The following ZNF423 variants were observed in gnomAD, a reference collection of about 807,000 sequenced individuals.
ZNF423 encodes Ebf-associated zinc finger protein.
Under a neutral mutation model 95.8 loss-of-function variants are expected in ZNF423, and 12 were observed. That is an observed-to-expected ratio of 0.13 (90% CI 0.08 to 0.20). The LOEUF is 0.20. Among genes scored for constraint, ZNF423 ranks in the 10% least tolerant of loss-of-function variants. The pLI, the probability that ZNF423 is intolerant of heterozygous loss-of-function variation, is 1.00. For missense variants in ZNF423, 1,316 were observed against 1,737.1 expected (o/e 0.76, Z 4.31); for synonymous variants, 749 against 711.9 (o/e 1.05, Z -0.83).
intron 3 of ZNF423, among the ~76,000 whole-genome samples, chr16:49,669,334 AAAAAAAGAAAAAGAAAAAG>A (rs1476721246): frequency 6.6e-6 from 1 of 152,116 alleles, no homozygotes; most frequent in Non-Finnish European, 1.5e-5. Flanking sequence ...CGTCTCAAAA[AAAAAAAGAAAAAGAAAAAG>A]AAAAAAGAAA....
chr16:49,624,577 C>T (rs574769089), intron 5 of ZNF423, among the ~76,000 whole-genome samples: 1 of 152,120 alleles, frequency 6.6e-6, no homozygotes, highest in African/African-American at 2.4e-5. Context: ...CAAACCAAAA[C>T]AAAAGAAGAC....
At chr16:49,526,457 G>A (rs916785253) in intron 5 of ZNF423, among the ~76,000 whole-genome samples, 1 of 152,128 alleles carries the variant, frequency 6.6e-6, no homozygotes, top group Non-Finnish European at 1.5e-5. Flanking sequence ...TGCCAATGTC[G>A]AGGAGGCTCA....
chr16:49,704,503 A>C (rs968713895), intron 3 of ZNF423, among the ~76,000 whole-genome samples: 3 of 152,240 alleles, frequency 2.0e-5, no homozygotes, highest in Non-Finnish European at 4.4e-5. Flanking sequence ...AGTCATGAGC[A>C]AACTGGGATA....
intron 2 of ZNF423, among the ~76,000 whole-genome samples, chr16:49,755,519 T>G (rs1464489404): frequency 6.6e-6 from 1 of 152,138 alleles, no homozygotes; most frequent in East Asian, 1.9e-4. Flanking sequence ...CTTTCGCTAA[T>G]GAAAAAAACA....
rs532457777 is a variant in ZNF423, at chr16:49,696,108, A to G, written c.301+34663T>C. ...AAATGGGAACCCATGCCCAACTCTCACTGTTACTGTGAGAACCCACAAAGG... is the reference window on the plus strand; with the variant it reads ...AAATGGGAACCCATGCCCAACTCTCGCTGTTACTGTGAGAACCCACAAAGG... On this transcript the variant is annotated intron_variant, in intron 3 of 7. Coordinates refer to ENST00000563137, the MANE Select transcript of ZNF423 (RefSeq NM_001379286.1). 9.2e-5 allele frequency among the ~76,000 whole-genome samples: 14 copies of G among 152,304 alleles called. 1 individual carries two copies. In the East Asian group the frequency reaches 2.7e-3, roughly 29 times the overall value.
intron 2 of ZNF423, among the ~76,000 whole-genome samples, chr16:49,757,475 G>A (rs2033748701): frequency 1.3e-5 from 2 of 152,204 alleles, no homozygotes; most frequent in African/African-American, 4.8e-5. Flanking sequence ...TAAGTTTCCA[G>A]GACATGAGGA....
chr16:49,539,163 C>A (rs1969161248), intron 5 of ZNF423, among the ~76,000 whole-genome samples: 1 of 152,184 alleles, frequency 6.6e-6, no homozygotes. Flanking sequence ...CAACTACACC[C>A]CCCACGGCTC....
At chr16:49,678,075 C>T (rs1467312591) in intron 3 of ZNF423, among the ~76,000 whole-genome samples, 4 of 151,872 alleles carry the variant, frequency 2.6e-5, no homozygotes, top group African/African-American at 9.7e-5. Context: ...CCCAGCTACT[C>T]GGGACTCTGA....
chr16:49,502,598 C>G (rs989782302), intron 7 of ZNF423, among the ~76,000 whole-genome samples: 12 of 151,972 alleles, frequency 7.9e-5, no homozygotes, highest in African/African-American at 2.9e-4. Flanking sequence ...AAGTAACCCC[C>G]ACACCTTCCT....
chr16:49,635,146 G>C lies in ZNF423; in HGVS notation c.3516+514C>G, dbSNP rs1467498996. On this transcript the variant is annotated intron_variant, in intron 4 of 7. Transcript: ENST00000563137. This position sits in a 1 kb window ranked among gnomAD's most constrained non-coding sequence, Gnocchi z 4.8. ...GACAGCCAGCACCACTGAGCCATGA[G>C]TGCTGGGCTCTCGGCCCCTTGTGTG... is the stretch of plus-strand genomic sequence containing the variant. Among the ~76,000 whole-genome samples, 1 of 152,242 alleles carries C rather than the reference G, an allele frequency of 6.6e-6. No homozygotes were observed.
chr16:49,714,717 T>C (rs1354820602), intron 3 of ZNF423, among the ~76,000 whole-genome samples: 1 of 151,500 alleles, frequency 6.6e-6, no homozygotes, highest in Non-Finnish European at 1.5e-5. Flanking sequence ...TTGCTTGAGT[T>C]CCAGATCAGC....
In ZNF423 at chr16:49,637,409, G is replaced by A. The variant is rs1410143878; in HGVS notation, c.1767C>T (p.Thr589=). 6.2e-7 allele frequency: 1 copy of A among 1,614,170 alleles called. No homozygotes were observed. ...TCTTGTGGTTCTCCTTGATGTGCTT[G>A]GTGAGTTTCAGGATGGAGCCAAAGA... is the stretch of plus-strand genomic sequence containing the variant. ...SPIFGSILKL[T]KHIKENHKNI... The change falls in exon 4 of 8, where the codon ACC becomes ACT. Residue 589 remains threonine (T), a synonymous_variant. Coordinates refer to ENST00000563137, the MANE Select transcript of ZNF423 (RefSeq NM_001379286.1). The surrounding 1 kb of genome is among the most constrained non-coding windows in gnomAD (Gnocchi z 5.6).
chr16:49,722,204 A>C (rs2032886433), intron 3 of ZNF423, among the ~76,000 whole-genome samples: 1 of 152,152 alleles, frequency 6.6e-6, no homozygotes, highest in South Asian at 2.1e-4. Context: ...GGGGCAGGCA[A>C]TTTAGGGAAG....
intron 1 of ZNF423, among the ~76,000 whole-genome samples, chr16:49,815,868 AAC>A (rs1413117372): frequency 0.062 from 2,241 of 36,194 alleles, 44 homozygotes; most frequent in East Asian, 0.09. Flanking sequence ...ATTCCAAACA[AAC>A]AAAAAAAAAA....
At chr16:49,731,015 T>A (rs2033153874) in intron 2 of ZNF423, 44 bp from the exon 3 acceptor site, 1 of 1,600,422 alleles carries the variant, frequency 6.2e-7, no homozygotes, top group East Asian at 2.2e-5. Flanking sequence ...GATGGGGTCT[T>A]GGGAAAGGGT....
intron 4 of ZNF423, among the ~76,000 whole-genome samples, chr16:49,631,253 C>A (rs1344531): frequency 6.6e-6 from 1 of 151,954 alleles, no homozygotes; most frequent in African/African-American, 2.4e-5. Context: ...CATCCCCACA[C>A]GTACCACACA....
rs866715983 is a variant in ZNF423 at position 49,821,912 on chromosome 16, G to A, written c.41-32366C>T. On this transcript the variant is annotated intron_variant, in intron 1 of 7. Transcript: ENST00000563137. ...GGTGAGGTCTGCTGTGCACAACCAT[G>A]AAAGGGCCTCTGGGGGATGCATTCA... Among the ~76,000 whole-genome samples the A allele has an allele frequency of 6.6e-5, 10 of 152,334 alleles. 1 individual carries two copies. The South Asian group carries it at 1.9e-3, about 28-fold the overall frequency.
intron 5 of ZNF423, among the ~76,000 whole-genome samples, chr16:49,567,387 C>G (rs1597113278): frequency 6.6e-6 from 1 of 152,256 alleles, no homozygotes; most frequent in Admixed American, 6.5e-5. Context: ...TGACGCACAG[C>G]TCCACAATGT....
At position 49,734,562 on chromosome 16, in the gene ZNF423, C is replaced by A. The variant is rs1489357551; in HGVS notation, c.101-3591G>T. Among the ~76,000 whole-genome samples the A allele has an allele frequency of 4.6e-5, 7 of 152,328 alleles. No individual in the cohort carries two copies. In the East Asian group the frequency reaches 1.4e-3, roughly 29 times the overall value. ...CGAAAACAGCCGGCTGGCTCCTTTC[C>A]CTCTGGCTCCTCCCCTGTCCTCCTG... On this transcript the variant is annotated intron_variant, in intron 2 of 7. Coordinates refer to ENST00000563137, the MANE Select transcript of ZNF423 (RefSeq NM_001379286.1).
Sources: allele counts gnomAD v4.1 joint callset (sites outside exome capture counted in the v4.1 genomes callset), GRCh38; gene constraint gnomAD v4.1.1; non-coding constraint Gnocchi (gnomAD v3.1); transcripts MANE v1.5; gene names NCBI Gene and HGNC (gene_info 2026-07-23, HGNC 2026-07-21).